Variants in GCSAM observed in about 807,000 individuals in gnomAD.
GCSAM encodes germinal center associated signaling and motility.
Under a neutral mutation model 17.6 loss-of-function variants are expected in GCSAM, and 8 were observed. The observed-to-expected ratio is 0.46, with a 90% confidence interval of 0.27 to 0.82. The LOEUF (loss-of-function observed/expected upper bound fraction) is 0.82. Among genes scored for constraint, GCSAM ranks in the 40% least tolerant of loss-of-function variants. GCSAM has a pLI of 0.15. For synonymous variants in GCSAM, 68 were observed against 69.0 expected (o/e 0.98, Z 0.07); for missense variants, 192 against 213.5 (o/e 0.90, Z 0.63).
chr3:112,127,549 C>T (rs1435283477), intron 3 of GCSAM, among the ~76,000 whole-genome samples: 2 of 152,174 alleles, frequency 1.3e-5, no homozygotes, highest in East Asian at 3.8e-4. Flanking sequence ...GTGAGGGTAA[C>T]CCTATGTCCT....
At chr3:112,129,337 A>G (rs2074399167) in intron 2 of GCSAM, 2 of 152,204 alleles carry the variant, frequency 1.3e-5, no homozygotes, top group African/African-American at 4.8e-5. Flanking sequence ...CTGCTTACAC[A>G]TGGAGTTATA....
At position 112,125,139 on chromosome 3, in the gene GCSAM, G is replaced by A. The variant is rs559880271; in HGVS notation, c.219+87C>T. 7.8e-5 allele frequency: 67 copies of A among 861,962 alleles called. No individual in the cohort carries two copies. In the African/African-American group the frequency reaches 1.1e-3, roughly 14 times the overall value. 53.4% of individuals were successfully genotyped at this position (861,962 alleles called of 1,614,324 possible). A position where few individuals can be genotyped will look rare whatever the true frequency, so the allele number is the denominator to read the frequency against. On this transcript the variant is annotated intron_variant, in intron 5 of 5. Coordinates refer to ENST00000308910, the MANE Select transcript of GCSAM (RefSeq NM_152785.5). ...CTTTCTCCATGTAAGGGTCAGAAGGGATCTCAGAGGCCAACTTCTCCTGCC... is the reference window on the plus strand; with the variant it reads ...CTTTCTCCATGTAAGGGTCAGAAGGAATCTCAGAGGCCAACTTCTCCTGCC...
At chr3:112,132,367 A>G (rs890443533) in intron 1 of GCSAM, among the ~76,000 whole-genome samples, 4 of 152,018 alleles carry the variant, frequency 2.6e-5, no homozygotes, top group African/African-American at 7.3e-5. Context: ...AGATCACCCC[A>G]CTTTATACCC....
rs560968903 is a variant in GCSAM at position 112,127,954 on chromosome 3, C to G, written c.143+63G>C. 1.8e-5 allele frequency: 26 copies of G among 1,422,804 alleles called. No individual in the cohort carries two copies. In the South Asian group the frequency reaches 2.9e-4, roughly 16 times the overall value. 88.1% of individuals were successfully genotyped at this position (1,422,804 alleles called of 1,614,324 possible). ...GCCACAGACAGTCACAGGTAACTTA[C>G]AGCAAATACCACATTGAAACCACAC... On this transcript the variant is annotated intron_variant, in intron 3 of 5. Coordinates refer to ENST00000308910, the MANE Select transcript of GCSAM (RefSeq NM_152785.5).
intron 2 of GCSAM, chr3:112,129,074 T>A (rs1213037740): frequency 6.6e-6 from 1 of 152,186 alleles, no homozygotes; most frequent in African/African-American, 2.4e-5. Context: ...CATCAAAGCC[T>A]TTGGGGCCCA....
At position 112,123,746 on chromosome 3, in the gene GCSAM, C is replaced by T. The variant is rs780785586; in HGVS notation, c.246G>A (p.Glu82=). 13 of 1,613,954 alleles carry T rather than the reference C, an allele frequency of 8.1e-6. No homozygotes were observed. Among genetic ancestry groups the T allele is most frequent in the Admixed American group, 3.3e-5 (2 of 60,018 alleles). The change falls in exon 6 of 6, where the codon GAG becomes GAA. Residue 82 remains glutamate (E), a synonymous_variant. Transcript: ENST00000308910. The part of the protein sequence containing the change: ...IQDNVDQTYS[E]ELCYTLINHR... Reference sequence around the variant, plus strand: ...GATTGATGAGGGTATAGCACAGCTCCTCTGAGTAGGTCTGGTCAACATTGT... The same window carrying T: ...GATTGATGAGGGTATAGCACAGCTCTTCTGAGTAGGTCTGGTCAACATTGT...
At chr3:112,129,674 A>G (rs2074406757) in intron 2 of GCSAM, 1 of 152,238 alleles carries the variant, frequency 6.6e-6, no homozygotes, top group African/African-American at 2.4e-5. Context: ...CCCTGAAAAT[A>G]TGTAATTCTC....
intron 4 of GCSAM, among the ~76,000 whole-genome samples, 181 bp from the exon 5 acceptor site, chr3:112,125,435 T>G (rs775741795): frequency 6.6e-6 from 1 of 152,192 alleles, no homozygotes; most frequent in Non-Finnish European, 1.5e-5. Context: ...AAGTCACAGC[T>G]AGAGCTGTGC....
Position 112,123,717 on chromosome 3 carries a change from C to T in GCSAM, c.275G>A (p.Arg92Gln), listed in dbSNP as rs144382249. 7.4e-6 allele frequency: 12 copies of T among 1,613,856 alleles called. No homozygotes were observed. The highest frequency in any genetic ancestry group is 5.3e-5 in the African/African-American group (4 of 74,868). The change falls in exon 6 of 6, where the codon CGG becomes CAG. Residue 92 changes from arginine (R) to glutamine (Q), a missense_variant. Physicochemically the swap from Arg to Gln is conservative, Grantham distance 43. Transcript: ENST00000308910. Reference sequence around the variant, plus strand: ...CCCTGATGGCCTTGTACAGAGAACCCGATGATTGATGAGGGTATAGCACAG... The same window carrying T: ...CCCTGATGGCCTTGTACAGAGAACCTGATGATTGATGAGGGTATAGCACAG... ...EELCYTLINHRVLCTRPSGNS... is the reference protein window; with the variant it reads ...EELCYTLINHQVLCTRPSGNS...
chr3:112,127,354 T>C (rs2074350678), intron 3 of GCSAM, among the ~76,000 whole-genome samples: 2 of 152,210 alleles, frequency 1.3e-5, no homozygotes, highest in African/African-American at 4.8e-5. Flanking sequence ...TCAATTTCTT[T>C]TCTATCATGT....
Position 112,133,080 on chromosome 3 carries a change from G to A in GCSAM, c.29+12C>T, listed in dbSNP as rs1416245138. 6.2e-7 allele frequency: 1 copy of A among 1,613,046 alleles called. No individual in the cohort carries two copies. On this transcript the variant is annotated intron_variant, in intron 1 of 5. Transcript: ENST00000308910. ...CATCTCCTCTGCTCTCCCACAGGGA[G>A]TCTAGACTTACCTGTTTTCTCTCAG...
At chr3:112,127,952 T>C in intron 3 of GCSAM, 65 bp downstream of exon 3, 1 of 1,406,442 alleles carries the variant, frequency 7.1e-7, no homozygotes, top group Non-Finnish European at 1.0e-6. Context: ...ACAGGTAACT[T>C]ACAGCAAATA....
In GCSAM at chr3:112,125,300, T is replaced by A. The variant is rs193103077; in HGVS notation, c.191-46A>T. 1.8e-5 allele frequency: 24 copies of A among 1,368,680 alleles called. No homozygotes were observed. In the African/African-American group the frequency reaches 3.4e-4, roughly 20 times the overall value. 84.8% of individuals were successfully genotyped at this position (1,368,680 alleles called of 1,614,324 possible). On this transcript the variant is annotated intron_variant, in intron 4 of 5. Coordinates refer to ENST00000308910, the MANE Select transcript of GCSAM (RefSeq NM_152785.5). ...CAATGAATTTCAGGTTATGGGGAGATTTGAAGGGAAGAGCAGGGGAGGCTA... is the reference window on the plus strand; with the variant it reads ...CAATGAATTTCAGGTTATGGGGAGAATTGAAGGGAAGAGCAGGGGAGGCTA...
At chr3:112,132,880 G>T in intron 1 of GCSAM, 1 of 528,720 alleles carries the variant, frequency 1.9e-6, no homozygotes. Flanking sequence ...TCCATCAGCT[G>T]CTCACCATGA....
chr3:112,125,138 G>C (rs1576161878), intron 5 of GCSAM, 88 bp downstream of exon 5: 3 of 853,974 alleles, frequency 3.5e-6, no homozygotes, highest in Non-Finnish European at 6.1e-6. Context: ...GGGTCAGAAG[G>C]GATCTCAGAG....
chr3:112,128,358 C>T (rs761224406), intron 2 of GCSAM: 13 of 539,684 alleles, frequency 2.4e-5, no homozygotes, highest in Non-Finnish European at 3.7e-5. Context: ...ATGAAGAACA[C>T]GTAAGTGTTA....
chr3:112,133,180 C>T lies in GCSAM; in HGVS notation c.-60G>A, dbSNP rs2074500203. 3 of 1,572,314 alleles carry T rather than the reference C, an allele frequency of 1.9e-6. No individual in the cohort carries two copies. The highest frequency in any genetic ancestry group is 2.6e-6 in the Non-Finnish European group (3 of 1,142,208). On this transcript the variant is annotated 5_prime_UTR_variant, in exon 1 of 6. Coordinates refer to ENST00000308910, the MANE Select transcript of GCSAM (RefSeq NM_152785.5). ...TTTACCACTTCCTTCTTGCCTTGTG[C>T]TCTGACAGGGCAACTCCTGACTTAA...
rs560731310 is a variant in GCSAM, at chr3:112,126,188, G to A, written c.190+799C>T. Among the ~76,000 whole-genome samples the A allele has an allele frequency of 1.2e-4, 19 of 152,250 alleles. No homozygotes were observed. The Middle Eastern group carries it at 0.014, about 109-fold the overall frequency. On this transcript the variant is annotated intron_variant, in intron 4 of 5. Coordinates refer to ENST00000308910, the MANE Select transcript of GCSAM (RefSeq NM_152785.5). Reference sequence around the variant, plus strand: ...GAAATTGAGGTTCCCTGGGACCCACGACTCCTGGAGTGAAGTGGCTAGGGT... The same window carrying A: ...GAAATTGAGGTTCCCTGGGACCCACAACTCCTGGAGTGAAGTGGCTAGGGT...
intron 1 of GCSAM, 21 bp downstream of exon 1, chr3:112,133,071 C>T (rs2074497058): frequency 6.2e-7 from 1 of 1,612,024 alleles, no homozygotes; most frequent in African/African-American, 1.3e-5. Flanking sequence ...CTCTGCTCTC[C>T]CACAGGGAGT....
Sources: allele counts gnomAD v4.1 joint callset (sites outside exome capture counted in the v4.1 genomes callset), GRCh38; gene constraint gnomAD v4.1.1; transcripts MANE v1.5; gene names NCBI Gene and HGNC (gene_info 2026-07-23, HGNC 2026-07-21).